The following GRIA1 variants were observed in gnomAD, a reference collection of about 807,000 sequenced individuals.
The protein encoded by GRIA1 is glutamate receptor 1.
A neutral mutation model predicts 99.2 loss-of-function variants in GRIA1; 31 were observed. The ratio of observed to expected loss-of-function variants is 0.31; its 90% CI spans 0.23 to 0.42. The LOEUF is 0.42. Ranked by LOEUF, GRIA1 falls within the 10% of genes least tolerant of loss-of-function variation. The pLI, the probability that GRIA1 is intolerant of heterozygous loss-of-function variation, is 1.00. For missense variants in GRIA1, 782 were observed against 1,157.5 expected, an observed-to-expected ratio of 0.68 and a Z score of 4.71; for synonymous variants, 438 against 432.4, an observed-to-expected ratio of 1.01 and a Z score of -0.16.
intron 15 of GRIA1, among the ~76,000 whole-genome samples, chr5:153,807,522 G>A (rs1766517058): frequency 6.6e-6 from 1 of 152,156 alleles, no homozygotes; most frequent in South Asian, 2.1e-4. Flanking sequence ...AAAATGAATT[G>A]CCAGCCATAC....
At chr5:153,502,170 A>G (rs1561589886) in intron 2 of GRIA1, among the ~76,000 whole-genome samples, 1 of 152,212 alleles carries the variant, frequency 6.6e-6, no homozygotes, top group South Asian at 2.1e-4. Context: ...GGTCACGCTT[A>G]TCCCCAGGTT....
chr5:153,496,416 T>A (rs749448450), intron 2 of GRIA1, among the ~76,000 whole-genome samples: 1 of 152,210 alleles, frequency 6.6e-6, no homozygotes, highest in Non-Finnish European at 1.5e-5. Context: ...AATACAGAGA[T>A]GATAAAATGC....
rs563325189 is a variant in GRIA1 at position 153,812,248 on chromosome 5, C to T, written c.*1023C>T. 2.4e-4 allele frequency: 37 copies of T among 152,190 alleles called. No homozygotes were observed. The highest frequency in any genetic ancestry group is 8.7e-4 in the African/African-American group (36 of 41,518). 9.4% of individuals were successfully genotyped at this position (152,190 alleles called of 1,614,324 possible). ...AACCCATTGTGGAGTAGACTCTCTT[C>T]TTCTATGGAGCCTCTGACATGGGGA... On this transcript the variant is annotated 3_prime_UTR_variant, in exon 16 of 16. Coordinates refer to ENST00000285900, the MANE Select transcript of GRIA1 (RefSeq NM_000827.4).
intron 2 of GRIA1, among the ~76,000 whole-genome samples, chr5:153,597,627 G>C (rs755016035): frequency 2.2e-4 from 33 of 152,138 alleles, no homozygotes; most frequent in Non-Finnish European, 3.8e-4. Flanking sequence ...ATTAACATTA[G>C]TTTTACCTAT....
At chr5:153,535,877 T>C (rs1182230041) in intron 2 of GRIA1, among the ~76,000 whole-genome samples, 1 of 152,232 alleles carries the variant, frequency 6.6e-6, no homozygotes, top group African/African-American at 2.4e-5. Flanking sequence ...CTGTTACCTC[T>C]ACTGTCTCCC....
chr5:153,656,569 T>G (rs1221058814), intron 5 of GRIA1, among the ~76,000 whole-genome samples: 1 of 151,856 alleles, frequency 6.6e-6, no homozygotes, highest in Non-Finnish European at 1.5e-5. Flanking sequence ...TTCTGTCAAG[T>G]CTATTTTTTC....
At chr5:153,677,931 C>T (rs1756706531) in intron 7 of GRIA1, among the ~76,000 whole-genome samples, 1 of 152,144 alleles carries the variant, frequency 6.6e-6, no homozygotes, top group South Asian at 2.1e-4. Flanking sequence ...TCTCAAACTG[C>T]CAAGGAATAG....
At chr5:153,603,786 C>T (rs568763669) in intron 2 of GRIA1, among the ~76,000 whole-genome samples, 2 of 152,248 alleles carry the variant, frequency 1.3e-5, no homozygotes, top group Admixed American at 6.5e-5. Context: ...CGCCTAGCTA[C>T]GTTCTTGGGC....
intron 11 of GRIA1, among the ~76,000 whole-genome samples, chr5:153,736,681 G>A (rs1406528901): frequency 6.6e-6 from 1 of 152,130 alleles, no homozygotes; most frequent in Non-Finnish European, 1.5e-5. Context: ...GATCCTGAAT[G>A]TTATCTTTGA....
intron 12 of GRIA1, among the ~76,000 whole-genome samples, chr5:153,767,665 C>T (rs1334767899): frequency 2.4e-5 from 3 of 127,594 alleles, no homozygotes; most frequent in African/African-American, 7.6e-5. Context: ...AATTCTTCTA[C>T]TCCAGTCTCT....
At position 153,705,951 on chromosome 5, in the gene GRIA1, G is replaced by A; in HGVS notation, c.1707G>A (p.Glu569=). The part of the protein sequence containing the change: ...RFSPYEWHSE[E]FEEGRDQTTS... Reference sequence around the variant, plus strand: ...GTCCCTATGAATGGCACAGTGAAGAGTTTGAGGAAGGACGGGACCAGACAA... The same window carrying A: ...GTCCCTATGAATGGCACAGTGAAGAATTTGAGGAAGGACGGGACCAGACAA... The change falls in exon 11 of 16, where the codon GAG becomes GAA. Residue 569 remains glutamate, a synonymous_variant. Transcript: ENST00000285900. 6.2e-7 allele frequency: 1 copy of A among 1,614,042 alleles called. No individual in the cohort carries two copies. The highest frequency in any genetic ancestry group is 8.5e-7 in the Non-Finnish European group (1 of 1,179,994).
intron 2 of GRIA1, among the ~76,000 whole-genome samples, chr5:153,572,107 C>G (rs1030257207): frequency 6.6e-6 from 1 of 152,148 alleles, no homozygotes; most frequent in Non-Finnish European, 1.5e-5. Flanking sequence ...GTGTAATATA[C>G]GATTGTTTAA....
intron 2 of GRIA1, among the ~76,000 whole-genome samples, chr5:153,548,896 T>A (rs1217839510): frequency 6.6e-6 from 1 of 152,212 alleles, no homozygotes; most frequent in African/African-American, 2.4e-5. Context: ...GCATCTTTCA[T>A]GTTAATAAAT....
intron 2 of GRIA1, among the ~76,000 whole-genome samples, chr5:153,636,601 A>G (rs1299067735): frequency 6.6e-6 from 1 of 152,212 alleles, no homozygotes; most frequent in Non-Finnish European, 1.5e-5. Flanking sequence ...GTTTGCCTAT[A>G]CCTGGCATAG....
At chr5:153,559,750 C>T (rs550303532) in intron 2 of GRIA1, among the ~76,000 whole-genome samples, 4 of 152,178 alleles carry the variant, frequency 2.6e-5, no homozygotes, top group Middle Eastern at 3.4e-3. Context: ...TCTTATGGGA[C>T]CACCATCATA....
intron 11 of GRIA1, among the ~76,000 whole-genome samples, chr5:153,718,101 C>G (rs1326854003): frequency 6.6e-6 from 1 of 152,190 alleles, no homozygotes; most frequent in East Asian, 1.9e-4. Flanking sequence ...GGATCTAAAC[C>G]TTGCATTAGG....
intron 11 of GRIA1, among the ~76,000 whole-genome samples, chr5:153,756,525 C>T (rs892855539): frequency 1.3e-5 from 2 of 152,186 alleles, no homozygotes; most frequent in African/African-American, 2.4e-5. Context: ...CTCACTATAG[C>T]CAGGAAATTG....
At chr5:153,490,240 A>T (rs1317322134), upstream of GRIA1, 1 of 180,262 alleles carries the variant, frequency 5.5e-6, no homozygotes, top group African/African-American at 2.4e-5. Flanking sequence ...TGGATTGAGG[A>T]CTATTGTGGG....
intron 8 of GRIA1, among the ~76,000 whole-genome samples, chr5:153,687,783 G>A (rs913734755): frequency 3.3e-5 from 5 of 152,098 alleles, no homozygotes; most frequent in African/African-American, 9.7e-5. Flanking sequence ...GTCTAGAACC[G>A]CATCTTCTAC....
Sources: allele counts gnomAD v4.1 joint callset (sites outside exome capture counted in the v4.1 genomes callset), GRCh38; gene constraint gnomAD v4.1.1; transcripts MANE v1.5; gene names NCBI Gene and HGNC (gene_info 2026-07-23, HGNC 2026-07-21).